MYOM2: variants seen among roughly 807,000 people sequenced by gnomAD.
MYOM2 encodes myomesin-2.
Under a neutral mutation model 187.6 loss-of-function variants are expected in MYOM2, and 254 were observed. The ratio of observed to expected loss-of-function variants is 1.35; its 90% CI spans 1.22 to 1.50. The LOEUF (loss-of-function observed/expected upper bound fraction) is 1.50. Among genes scored for constraint, MYOM2 ranks in the 40% most tolerant of loss-of-function variants. The pLI, the probability that MYOM2 is intolerant of heterozygous loss-of-function variation, is 0.00. For missense variants in MYOM2, 2,796 were observed against 1,924.0 expected, an observed-to-expected ratio of 1.45 and a Z score of -8.48; for synonymous variants, 981 against 753.8, an observed-to-expected ratio of 1.30 and a Z score of -4.94.
At position 2,137,167 on chromosome 8, in the gene MYOM2, A is replaced by T. The variant is rs1014237592; in HGVS notation, c.3801-3556A>T. Among the ~76,000 whole-genome samples the T allele has an allele frequency of 4.0e-5, 6 of 151,384 alleles. No individual in the cohort carries two copies. The East Asian group carries it at 1.2e-3, about 29-fold the overall frequency. On this transcript the variant is annotated intron_variant, in intron 32 of 36. Coordinates refer to ENST00000262113, the MANE Select transcript of MYOM2 (RefSeq NM_003970.4). ...TTTTGGCACATAATTTAGCTCTTTGAAGAAGACACATTTGAGTTAATGGTG... is the reference window on the plus strand; with the variant it reads ...TTTTGGCACATAATTTAGCTCTTTGTAGAAGACACATTTGAGTTAATGGTG...
chr8:2,107,005 A>C (rs1029744836), intron 23 of MYOM2, among the ~76,000 whole-genome samples: 2 of 152,178 alleles, frequency 1.3e-5, no homozygotes, highest in African/African-American at 2.4e-5. Context: ...TTATGCATGT[A>C]AAATAATTTT....
intron 6 of MYOM2, among the ~76,000 whole-genome samples, chr8:2,067,408 G>C (rs1185083990): frequency 6.6e-6 from 1 of 152,116 alleles, no homozygotes; most frequent in Non-Finnish European, 1.5e-5. Context: ...TGCAATTTTG[G>C]AGTCACGTGG....
rs7822836 is a variant in MYOM2, at chr8:2,076,127, C to A, written c.1121-14C>A. The A allele has an allele frequency of 0.024, 39,196 of 1,607,650 alleles. 768 individuals carry two copies. The highest frequency in any genetic ancestry group is 0.074 in the African/African-American group (5,571 of 74,902). On this transcript the variant is annotated splice_polypyrimidine_tract_variant and intron_variant, in intron 10 of 36. Transcript: ENST00000262113. ...TAAATGACAGGCGTGTGCCTTTTCT[C>A]TCCCTGCCCCAAGATGCTGACCCGC...
chr8:2,073,431 G>A lies in MYOM2; in HGVS notation c.1051G>A (p.Gly351Ser). ...CAGCCACCTGCACAAGGACGACGAG[G>A]GCCTGTACACCCTGCGCATCGTGTC... ...SFSHLHKDDE[G>S]LYTLRIVSRG... Residue 351 changes from glycine to serine, a missense_variant, in exon 10 of 37, where the codon GGC becomes AGC. Physicochemically the swap from Gly to Ser is moderately conservative, Grantham distance 56 (BLOSUM62 0). Transcript: ENST00000262113. 6.2e-7 allele frequency: 1 copy of A among 1,612,910 alleles called. No homozygotes were observed. The highest frequency in any genetic ancestry group is 8.5e-7 in the Non-Finnish European group (1 of 1,179,854).
At position 2,143,423 on chromosome 8, in the gene MYOM2, C is replaced by T; in HGVS notation, c.4047C>T (p.Gly1349=). ...CAGATCGTGGCAGGTTGATCGGCGG[C>T]TTGCCTGACGTGGTGACCATCATGG... ...AEKNRGRLIG[G]LPDVVTIMEG... The change falls in exon 36 of 37, where the codon GGC becomes GGT. Residue 1349 remains glycine, a synonymous_variant. Transcript: ENST00000262113. 1 of 1,614,108 alleles carries T rather than the reference C, an allele frequency of 6.2e-7. No individual in the cohort carries two copies. Among genetic ancestry groups the T allele is most frequent in the South Asian group, 1.1e-5 (1 of 91,082 alleles).
intron 32 of MYOM2, among the ~76,000 whole-genome samples, chr8:2,133,006 G>A (rs1460589054): frequency 1.3e-5 from 2 of 152,204 alleles, no homozygotes; most frequent in Middle Eastern, 3.2e-3. Flanking sequence ...TGTCCTGGTC[G>A]TGGCTTTAGC....
chr8:2,140,699 T>A (rs949528968), intron 32 of MYOM2, 24 bp from the exon 33 acceptor site: 5 of 1,612,076 alleles, frequency 3.1e-6, no homozygotes, highest in Non-Finnish European at 4.2e-6. Flanking sequence ...CTAACTCAGA[T>A]ACGTTCCTGT....
At chr8:2,046,744 C>CTTTTTT (rs1287620732) in intron 1 of MYOM2, among the ~76,000 whole-genome samples, 1 of 90,174 alleles carries the variant, frequency 1.1e-5, no homozygotes. Flanking sequence ...CTCTCTCTTT[C>CTTTTTT]TTTTTTCTTT....
intron 31 of MYOM2, among the ~76,000 whole-genome samples, chr8:2,126,447 C>T (rs905623791): frequency 1.3e-5 from 2 of 152,006 alleles, no homozygotes; most frequent in Non-Finnish European, 2.9e-5. Context: ...TGACACACAC[C>T]AGTGTACCCA....
chr8:2,071,853 T>C lies in MYOM2; in HGVS notation c.794-492T>C, dbSNP rs192543175. Among the ~76,000 whole-genome samples, 177 of 152,228 alleles carry C rather than the reference T, an allele frequency of 1.2e-3. 2 individuals are homozygous for C. In the East Asian group the frequency reaches 0.024, roughly 21 times the overall value. Reference sequence around the variant, plus strand: ...GGCACCTGCTCACGGTGTCCTCACGTGGAAGGAAGGAAGGTCTGGCCTCTT... The same window carrying C: ...GGCACCTGCTCACGGTGTCCTCACGCGGAAGGAAGGAAGGTCTGGCCTCTT... On this transcript the variant is annotated intron_variant, in intron 8 of 36. Transcript: ENST00000262113.
Position 2,085,329 on chromosome 8 carries a change from TC to T in MYOM2, c.1585del (p.Leu529SerfsTer37), listed in dbSNP as rs1433062006. ...HASEISRNYV[V>X]LSWEPPTPRG... ...TCCGAGATCAGCAGAAACTATGTCGTCCTCAGCTGGGAGCCACCCACTCCCC... is the reference window on the plus strand; with the variant it reads ...TCCGAGATCAGCAGAAACTATGTCGTCTCAGCTGGGAGCCACCCACTCCCC... On this transcript the variant is annotated frameshift_variant, in exon 14 of 37. Coordinates refer to ENST00000262113, the MANE Select transcript of MYOM2 (RefSeq NM_003970.4). LOFTEE classifies it high-confidence loss of function. 6.2e-7 allele frequency: 1 copy of T among 1,613,926 alleles called. No individual in the cohort carries two copies. Among genetic ancestry groups the T allele is most frequent in the African/African-American group, 1.3e-5 (1 of 74,882 alleles).
chr8:2,074,480 A>G (rs1359731766), intron 10 of MYOM2, among the ~76,000 whole-genome samples: 1 of 151,970 alleles, frequency 6.6e-6, no homozygotes, highest in Non-Finnish European at 1.5e-5. Context: ...TTTGAGATGG[A>G]TTAACACTCT....
chr8:2,076,549 C>A (rs749186371), intron 11 of MYOM2: 4 of 449,258 alleles, frequency 8.9e-6, no homozygotes, highest in Admixed American at 3.9e-5. Context: ...CCAATCCCAC[C>A]AACGTCTTCA....
rs1233332814 is a variant in MYOM2, at chr8:2,142,403, T to C, written c.4024+6T>C. Reference sequence around the variant, plus strand: ...TGCTGCTTTTGCAGAGAAGAGTAAGTACCTGTTGGATTGTAACCAGGATGG... The same window carrying C: ...TGCTGCTTTTGCAGAGAAGAGTAAGCACCTGTTGGATTGTAACCAGGATGG... On this transcript the variant is annotated splice_donor_region_variant and intron_variant, in intron 35 of 36. Coordinates refer to ENST00000262113, the MANE Select transcript of MYOM2 (RefSeq NM_003970.4). 1.2e-6 allele frequency: 2 copies of C among 1,613,678 alleles called. No homozygotes were observed. The highest frequency in any genetic ancestry group is 1.7e-6 in the Non-Finnish European group (2 of 1,179,554).
chr8:2,046,371 G>A (rs1433244895), intron 1 of MYOM2, among the ~76,000 whole-genome samples: 1 of 152,218 alleles, frequency 6.6e-6, no homozygotes, highest in Non-Finnish European at 1.5e-5. Context: ...AACGTGTCAG[G>A]AGCATTCCGG....
At chr8:2,050,555 A>G (rs906279584) in intron 1 of MYOM2, among the ~76,000 whole-genome samples, 200 bp from the exon 2 acceptor site, 1 of 152,244 alleles carries the variant, frequency 6.6e-6, no homozygotes, top group Non-Finnish European at 1.5e-5. Flanking sequence ...ACAAAAAATA[A>G]AGTTGGGTCC....
chr8:2,100,805 G>A, intron 19 of MYOM2, 71 bp from the exon 20 acceptor site: 2 of 1,525,822 alleles, frequency 1.3e-6, no homozygotes, highest in Non-Finnish European at 1.8e-6. Context: ...TGGGTCCCCG[G>A]GGCTGGGTTG....
intron 3 of MYOM2, among the ~76,000 whole-genome samples, chr8:2,054,480 TGCACACGTGG>T (rs1346226879): frequency 5.9e-5 from 9 of 152,292 alleles, no homozygotes; most frequent in African/African-American, 2.2e-4. Context: ...GACGTTACTG[TGCACACGTGG>T]GCTGAAGTGA....
chr8:2,073,404 T>A lies in MYOM2; in HGVS notation c.1024T>A (p.Phe342Ile), dbSNP rs376024606. The change falls in exon 10 of 37, where the codon TTC becomes ATC. Residue 342 changes from phenylalanine (F) to isoleucine (I), a missense_variant. Physicochemically the swap from Phe to Ile is conservative, Grantham distance 21. Transcript: ENST00000262113. ...TGGAGAAGGCCAGGCCTCCCTGTCC[T>A]TCAGCCACCTGCACAAGGACGACGA... ...FFGEGQASLS[F>I]SHLHKDDEGL... 1.2e-6 allele frequency: 2 copies of A among 1,613,394 alleles called. No individual in the cohort carries two copies. Among genetic ancestry groups the A allele is most frequent in the Non-Finnish European group, 8.5e-7 (1 of 1,179,784 alleles).
Sources: allele counts gnomAD v4.1 joint callset (sites outside exome capture counted in the v4.1 genomes callset), GRCh38; gene constraint gnomAD v4.1.1; transcripts MANE v1.5; gene names NCBI Gene and HGNC (gene_info 2026-07-23, HGNC 2026-07-21).